Variants in ACOT9 observed in about 807,000 individuals in gnomAD.
The protein encoded by ACOT9 is acyl-coenzyme A thioesterase 9, mitochondrial.
ACOT9 carries 34 observed loss-of-function variants against 39.7 expected under a neutral mutation model. The observed-to-expected ratio is 0.86, with a 90% CI of 0.65 to 1.14. The LOEUF (loss-of-function observed/expected upper bound fraction) is 1.14, where lower values mean the gene tolerates loss of function less well. ACOT9 is among the 50% of genes most tolerant of loss of function. ACOT9 has a pLI of 0.00. For synonymous variants in ACOT9, 110 were observed against 120.5 expected (o/e 0.91, Z 0.57); for missense variants, 313 against 344.1 (o/e 0.91, Z 0.71).
chrX:23,708,032 G>T (rs936489157), intron 9 of ACOT9, 88 bp from the exon 10 acceptor site: 2 of 841,169 alleles, frequency 2.4e-6, no homozygotes, highest in Non-Finnish European at 3.3e-6. Context: ...TACTTTTAAA[G>T]AATCTGCTTT....
chrX:23,713,237 T>C (rs1156997525), intron 8 of ACOT9, 29 bp from the exon 9 acceptor site: 1 of 1,119,485 alleles, frequency 8.9e-7, no homozygotes, highest in Non-Finnish European at 1.2e-6. Context: ...AAAATGTACA[T>C]ATGAGAAATG....
chrX:23,734,334 C>T lies in ACOT9; in HGVS notation c.145+7G>A. The T allele has an allele frequency of 8.4e-7, 1 of 1,195,902 alleles. No individual in the cohort carries two copies. Among genetic ancestry groups the T allele is most frequent in the Non-Finnish European group, 1.1e-6 (1 of 886,154 alleles). ...AAAGAAAAGCTGATACTAATTACCA[C>T]ACACACCATGATTCACATGTATAGA... On this transcript the variant is annotated splice_region_variant and intron_variant, in intron 3 of 15. Transcript: ENST00000379303.
chrX:23,735,576 C>T (rs989206066), intron 2 of ACOT9, among the ~76,000 whole-genome samples: 11 of 111,151 alleles, frequency 9.9e-5, no homozygotes, highest in African/African-American at 3.3e-4. Flanking sequence ...CAGGATCCCT[C>T]GAACATAACT....
intron 8 of ACOT9, among the ~76,000 whole-genome samples, chrX:23,714,367 G>A (rs1405703537): frequency 9.0e-6 from 1 of 111,134 alleles, no homozygotes; most frequent in Non-Finnish European, 1.9e-5. Context: ...GATTATGTGG[G>A]TTAAGTTAAA....
rs192666101 is a variant in ACOT9, at chrX:23,741,895, G to A, written c.20+1230C>T. ...TCACCATGTTGGCCAGGCTGGTCTCGAACTCCTGGCCTCAAGTGATCCATC... is the reference window on the plus strand; with the variant it reads ...TCACCATGTTGGCCAGGCTGGTCTCAAACTCCTGGCCTCAAGTGATCCATC... On this transcript the variant is annotated intron_variant, in intron 1 of 15. Coordinates refer to ENST00000379303, the MANE Select transcript of ACOT9 (RefSeq NM_001037171.2). Among the ~76,000 whole-genome samples, 440 of 110,449 alleles carry A rather than the reference G, an allele frequency of 4.0e-3. 3 individuals are homozygous for A. The highest frequency in any genetic ancestry group is 0.014 in the African/African-American group (416 of 30,282).
At chrX:23,722,058 A>T (rs1016217521) in intron 7 of ACOT9, 74 bp from the exon 8 acceptor site, 184 of 628,036 alleles carry the variant, frequency 2.9e-4, no homozygotes, top group Middle Eastern at 2.6e-3. Context: ...ACAATTAGAA[A>T]TTATGGCAAA....
chrX:23,727,039 C>T (rs1261568013), intron 6 of ACOT9, among the ~76,000 whole-genome samples: 1 of 112,104 alleles, frequency 8.9e-6, no homozygotes, highest in African/African-American at 3.2e-5. Flanking sequence ...AGGCTGGTCT[C>T]GAACTCCTGG....
rs146707213 is a variant in ACOT9, at chrX:23,705,845, G to A, written c.856C>T (p.Arg286Trp). The change falls in exon 12 of 16, where the codon CGG becomes TGG. Residue 286 changes from arginine (R) to tryptophan (W), a missense_variant. Coordinates refer to ENST00000379303, the MANE Select transcript of ACOT9 (RefSeq NM_001037171.2). ...STLDPKTISFRSRVLPSNAVW... is the reference protein window; with the variant it reads ...STLDPKTISFWSRVLPSNAVW... ...GCATTAGAGGGTAAAACTCGACTCC[G>A]AAAACTTATAGTCCTGTACAAATGA... 63 of 1,198,906 alleles carry A rather than the reference G, an allele frequency of 5.3e-5. No individual in the cohort carries two copies. The African/African-American group carries it at 9.6e-4, about 18-fold the overall frequency.
At position 23,730,899 on chromosome X, in the gene ACOT9, C is replaced by T. The variant is rs758833744; in HGVS notation, c.279G>A (p.Lys93=). ...SQDGLPPRRM[K]DSYIEVLLPL... ...GCAAGAGAACTTCAATATAACTGTC[C>T]TTCATTCTCCTAGGAGGCAGTCCAT... The change falls in exon 5 of 16, where the codon AAG becomes AAA. Residue 93 remains lysine (K), a synonymous_variant. Transcript: ENST00000379303. The T allele has an allele frequency of 9.1e-6, 11 of 1,208,812 alleles. No individual in the cohort carries two copies. In the East Asian group the frequency reaches 3.0e-4, roughly 33 times the overall value.
intron 11 of ACOT9, 35 bp from the exon 12 acceptor site, chrX:23,705,893 G>A: frequency 9.6e-7 from 1 of 1,043,981 alleles, no homozygotes; most frequent in Non-Finnish European, 1.3e-6. Flanking sequence ...CCCTGTTAAT[G>A]CCATGGTTCT....
At chrX:23,727,802 C>T (rs1320670374) in intron 6 of ACOT9, among the ~76,000 whole-genome samples, 1 of 104,819 alleles carries the variant, frequency 9.5e-6, no homozygotes, top group African/African-American at 3.5e-5. Flanking sequence ...AGTTTGAGAC[C>T]AGACTGGCCA....
In ACOT9 at chrX:23,738,757, T is replaced by C. The variant is rs1015321465; in HGVS notation, c.21-2741A>G. 5.3e-5 allele frequency among the ~76,000 whole-genome samples: 6 copies of C among 112,289 alleles called. No homozygotes were observed. In the Admixed American group the frequency reaches 5.7e-4, roughly 11 times the overall value. ...TAGGAACTATAATAGACACGTTAAA[T>C]GTATCCAACATAAGAAATGGGATCT... On this transcript the variant is annotated intron_variant, in intron 1 of 15. Coordinates refer to ENST00000379303, the MANE Select transcript of ACOT9 (RefSeq NM_001037171.2).
chrX:23,743,194 T>C lies in ACOT9; in HGVS notation c.-50A>G. 1 of 1,142,375 alleles carries C rather than the reference T, an allele frequency of 8.8e-7. No homozygotes were observed. Among genetic ancestry groups the C allele is most frequent in the East Asian group, 3.5e-5 (1 of 28,898 alleles). 94.1% of individuals were successfully genotyped at this position (1,142,375 alleles called of 1,213,427 possible). A position where few individuals can be genotyped will look rare whatever the true frequency, so the allele number is the denominator to read the frequency against. ...TGGAGAACCGGGCCCCGCGCGCTAG[T>C]CGGCGGAGGGAAACTGAGGCGATAA... On this transcript the variant is annotated 5_prime_UTR_variant, in exon 1 of 16. Transcript: ENST00000379303.
intron 4 of ACOT9, among the ~76,000 whole-genome samples, chrX:23,732,584 T>C (rs1447745947): frequency 1.8e-5 from 2 of 112,215 alleles, no homozygotes; most frequent in Non-Finnish European, 3.8e-5. Flanking sequence ...AGATAATTTC[T>C]ATACCAACAA....
At chrX:23,734,239 T>A in intron 3 of ACOT9, 102 bp downstream of exon 3, 1 of 681,884 alleles carries the variant, frequency 1.5e-6, no homozygotes, top group Non-Finnish European at 2.2e-6. Context: ...AGGCAAAGAA[T>A]GCAATTTTAG....
At chrX:23,725,330 G>C (rs1198485643) in intron 6 of ACOT9, among the ~76,000 whole-genome samples, 2 of 108,314 alleles carry the variant, frequency 1.8e-5, no homozygotes, top group Non-Finnish European at 3.8e-5. Flanking sequence ...AATTAGCTGG[G>C]CGTTGTGGTA....
chrX:23,720,647 T>C (rs1157100739), intron 8 of ACOT9, among the ~76,000 whole-genome samples: 1 of 111,649 alleles, frequency 9.0e-6, no homozygotes, highest in African/African-American at 3.3e-5. Flanking sequence ...TTACAGGTTT[T>C]AGAGGGAACA....
chrX:23,720,101 G>C (rs1006454785), intron 8 of ACOT9, among the ~76,000 whole-genome samples: 4 of 112,839 alleles, frequency 3.5e-5, no homozygotes, highest in Non-Finnish European at 7.5e-5. Context: ...CCAAAGTGCT[G>C]GGATTACAGG....
chrX:23,705,326 A>C (rs1928639154), intron 13 of ACOT9, among the ~76,000 whole-genome samples, 183 bp downstream of exon 13: 1 of 111,572 alleles, frequency 9.0e-6, no homozygotes, highest in Non-Finnish European at 1.9e-5. Flanking sequence ...TTAATGTATG[A>C]ACTTACAAAG....
Sources: allele counts gnomAD v4.1 joint callset (sites outside exome capture counted in the v4.1 genomes callset), GRCh38; gene constraint gnomAD v4.1.1; transcripts MANE v1.5; gene names NCBI Gene and HGNC (gene_info 2026-07-23, HGNC 2026-07-21).